The following CDH20 variants were observed in gnomAD, a reference collection of about 807,000 sequenced individuals.
CDH20 encodes cadherin 20.
CDH20 carries 29 observed loss-of-function variants against 74.2 expected under a neutral mutation model. That is an observed-to-expected ratio of 0.39 (90% CI 0.29 to 0.53). The LOEUF (loss-of-function observed/expected upper bound fraction) is 0.53, where lower values mean the gene tolerates loss of function less well. CDH20 is among the 20% of genes least tolerant of loss of function. The pLI, the probability that CDH20 is intolerant of heterozygous loss-of-function variation, is 0.69. For synonymous variants in CDH20, 469 were observed against 405.4 expected, an observed-to-expected ratio of 1.16 and a Z score of -1.88; for missense variants, 988 against 1,048.3, an observed-to-expected ratio of 0.94 and a Z score of 0.79.
intron 5 of CDH20, among the ~76,000 whole-genome samples, chr18:61,503,631 C>T (rs1911463653): frequency 1.3e-5 from 2 of 152,202 alleles, no homozygotes; most frequent in Non-Finnish European, 2.9e-5. Flanking sequence ...CAAGCACTTG[C>T]TTGGTGAGAC....
At chr18:61,436,549 G>A (rs1326061293) in intron 1 of CDH20, among the ~76,000 whole-genome samples, 1 of 152,152 alleles carries the variant, frequency 6.6e-6, no homozygotes, top group Admixed American at 6.6e-5. Context: ...GAAACATCTA[G>A]GAAGCTTCTG....
At chr18:61,368,301 A>G (rs1288233170) in intron 1 of CDH20, among the ~76,000 whole-genome samples, 7 of 151,882 alleles carry the variant, frequency 4.6e-5, no homozygotes. Flanking sequence ...TATTTTACTG[A>G]TCATACTCAC....
chr18:61,523,490 C>T (rs1912284315), intron 6 of CDH20, among the ~76,000 whole-genome samples: 1 of 152,088 alleles, frequency 6.6e-6, no homozygotes, highest in South Asian at 2.1e-4. Context: ...ATTAATTCAA[C>T]CATTGTGGAA....
chr18:61,370,690 A>G (rs1237596697), intron 1 of CDH20, among the ~76,000 whole-genome samples: 3 of 152,124 alleles, frequency 2.0e-5, no homozygotes, highest in Non-Finnish European at 4.4e-5. Flanking sequence ...TATACAACAC[A>G]GGATTATTAA....
chr18:61,418,970 T>A (rs1912788698), intron 1 of CDH20, among the ~76,000 whole-genome samples: 2 of 152,208 alleles, frequency 1.3e-5, no homozygotes, highest in African/African-American at 4.8e-5. Flanking sequence ...ATCTTGCTGA[T>A]CTCTATACAT....
chr18:61,347,325 C>T (rs993333714), intron 1 of CDH20, among the ~76,000 whole-genome samples: 11,127 of 70,630 alleles, frequency 0.16, 501 homozygotes, highest in Non-Finnish European at 0.19. Context: ...TATATACACA[C>T]ACACACACAC....
chr18:61,392,729 T>G (rs1911835734), intron 1 of CDH20, among the ~76,000 whole-genome samples: 1 of 151,870 alleles, frequency 6.6e-6, no homozygotes, highest in African/African-American at 2.4e-5. Context: ...GCTGCTCTAT[T>G]ACTTGACAGT....
At chr18:61,388,679 T>C (rs1911676725) in intron 1 of CDH20, among the ~76,000 whole-genome samples, 1 of 152,138 alleles carries the variant, frequency 6.6e-6, no homozygotes, top group African/African-American at 2.4e-5. Context: ...CAAACACTTT[T>C]AAGTGGTTTT....
At chr18:61,394,979 A>G (rs1010233851) in intron 1 of CDH20, among the ~76,000 whole-genome samples, 1 of 151,968 alleles carries the variant, frequency 6.6e-6, no homozygotes, top group East Asian at 1.9e-4. Flanking sequence ...AGAAGAAACC[A>G]CTGTCTAGAA....
At chr18:61,406,820 G>A (rs144125582) in intron 1 of CDH20, among the ~76,000 whole-genome samples, 2 of 152,252 alleles carry the variant, frequency 1.3e-5, no homozygotes, top group South Asian at 2.1e-4. Context: ...GTAAGTCAGC[G>A]GGAAAGAGTG....
At chr18:61,418,773 T>G (rs1275516385) in intron 1 of CDH20, among the ~76,000 whole-genome samples, 1 of 152,128 alleles carries the variant, frequency 6.6e-6, no homozygotes, top group Non-Finnish European at 1.5e-5. Flanking sequence ...AAAAATACAA[T>G]TTATACAAAT....
At chr18:61,463,108 C>A (rs143028859) in intron 1 of CDH20, among the ~76,000 whole-genome samples, 148 of 152,260 alleles carry the variant, frequency 9.7e-4, no homozygotes, top group African/African-American at 3.5e-3. Flanking sequence ...TAGAATTTCC[C>A]ATCTCTCCCT....
intron 1 of CDH20, among the ~76,000 whole-genome samples, chr18:61,395,357 T>C (rs1303079538): frequency 6.6e-6 from 1 of 152,234 alleles, no homozygotes; most frequent in Non-Finnish European, 1.5e-5. Flanking sequence ...TGCCTGGTAC[T>C]TGATAAGCAC....
chr18:61,357,617 A>G (rs1015545822), intron 1 of CDH20, among the ~76,000 whole-genome samples: 2 of 152,202 alleles, frequency 1.3e-5, no homozygotes, highest in Non-Finnish European at 2.9e-5. Flanking sequence ...AAAGTATTGC[A>G]TGCCAGCCAA....
intron 1 of CDH20, among the ~76,000 whole-genome samples, chr18:61,398,934 G>A (rs1038253727): frequency 2.6e-5 from 4 of 152,176 alleles, no homozygotes; most frequent in Admixed American, 2.6e-4. Context: ...GACAGGGTAG[G>A]CCCTTTGATC....
intron 11 of CDH20, among the ~76,000 whole-genome samples, chr18:61,553,665 AGTAT>A (rs1246718655): frequency 1.3e-5 from 2 of 152,200 alleles, no homozygotes; most frequent in African/African-American, 2.4e-5. Flanking sequence ...GTGCACACTT[AGTAT>A]GTGTGTCTCT....
At position 61,413,414 on chromosome 18, in the gene CDH20, G is replaced by A. The variant is rs562877080; in HGVS notation, c.-152-76988G>A. 2.6e-5 allele frequency among the ~76,000 whole-genome samples: 4 copies of A among 152,116 alleles called. No homozygotes were observed. In the East Asian group the frequency reaches 5.8e-4, roughly 22 times the overall value. Reference sequence around the variant, plus strand: ...TCAGCTGCTATATAGAAAAATACTCGCTTTCAATATGAAAGCTCAGCAGCA... The same window carrying A: ...TCAGCTGCTATATAGAAAAATACTCACTTTCAATATGAAAGCTCAGCAGCA... On this transcript the variant is annotated intron_variant, in intron 1 of 11. Coordinates refer to ENST00000262717, the MANE Select transcript of CDH20 (RefSeq NM_031891.4).
intron 1 of CDH20, among the ~76,000 whole-genome samples, chr18:61,359,122 A>G (rs1241964197): frequency 6.6e-6 from 1 of 152,180 alleles, no homozygotes; most frequent in African/African-American, 2.4e-5. Flanking sequence ...TTGAATACTA[A>G]TATTTTTAGC....
chr18:61,355,116 CT>C (rs1910454179), intron 1 of CDH20, among the ~76,000 whole-genome samples: 1 of 152,176 alleles, frequency 6.6e-6, no homozygotes, highest in Non-Finnish European at 1.5e-5. Context: ...ATTCAATAAT[CT>C]GTTAATATGT....
Sources: allele counts gnomAD v4.1 joint callset (sites outside exome capture counted in the v4.1 genomes callset), GRCh38; gene constraint gnomAD v4.1.1; transcripts MANE v1.5; gene names NCBI Gene and HGNC (gene_info 2026-07-23, HGNC 2026-07-21).